The following ARHGAP29 variants were observed in gnomAD, a reference collection of about 807,000 sequenced individuals.
ARHGAP29 encodes Rho GTPase activating protein 29.
ARHGAP29 carries 43 observed loss-of-function variants against 122.6 expected under a neutral mutation model. That is an observed-to-expected ratio of 0.35 (90% CI 0.27 to 0.45). The LOEUF is 0.45. Ranked by LOEUF, ARHGAP29 falls within the 20% of genes least tolerant of loss-of-function variation. The pLI is 1.00. For synonymous variants in ARHGAP29, 506 were observed against 497.1 expected (o/e 1.02, Z -0.24); for missense variants, 1,303 against 1,477.2 (o/e 0.88, Z 1.93).
At chr1:94,234,593 GT>G (rs1217465274) in intron 1 of ARHGAP29, among the ~76,000 whole-genome samples, 20 of 152,216 alleles carry the variant, frequency 1.3e-4, no homozygotes, top group Admixed American at 1.3e-3. Context: ...ATTTAAACTA[GT>G]TTCAAACCTA....
intron 22 of ARHGAP29, chr1:94,176,614 T>C (rs925238948): frequency 2.0e-5 from 3 of 151,478 alleles, no homozygotes; most frequent in African/African-American, 7.3e-5. Context: ...TTCCATTCCT[T>C]TTTTTTTTCT....
Position 94,236,966 on chromosome 1 carries a change from G to A in ARHGAP29, c.-33+449C>T, listed in dbSNP as rs2101628805. Reference sequence around the variant, plus strand: ...AAAGCGCCTGGGTTTAGGTCCTGACGCTGCCAACCACTAGTCTGTGTGCTT... The same window carrying A: ...AAAGCGCCTGGGTTTAGGTCCTGACACTGCCAACCACTAGTCTGTGTGCTT... On this transcript the variant is annotated intron_variant, in intron 1 of 22. Coordinates refer to ENST00000260526, the MANE Select transcript of ARHGAP29 (RefSeq NM_004815.4). 1.3e-5 allele frequency among the ~76,000 whole-genome samples: 2 copies of A among 152,294 alleles called. 1 individual carries two copies. Among genetic ancestry groups the A allele is most frequent in the Admixed American group, 1.3e-4 (2 of 15,314 alleles).
chr1:94,266,075 G>A (rs1286151626), intron 1 of ARHGAP29, among the ~76,000 whole-genome samples: 2 of 152,182 alleles, frequency 1.3e-5, no homozygotes, highest in East Asian at 3.8e-4. Flanking sequence ...TGTTCTTTCT[G>A]GTCAAGCTGC....
At chr1:94,176,887 G>C (rs111977880) in intron 22 of ARHGAP29, 1 of 152,296 alleles carries the variant, frequency 6.6e-6, no homozygotes, top group African/African-American at 2.4e-5. Context: ...GATTACAGGC[G>C]TGAGCCACCA....
At chr1:94,309,680 T>C in the ARHGAP29 span, among the ~76,000 whole-genome samples, 1 of 152,138 alleles carries the variant, frequency 6.6e-6, no homozygotes, top group Non-Finnish European at 1.5e-5. Flanking sequence ...GGATGGATGA[T>C]GCAGGAGAGA....
At position 94,174,489 on chromosome 1, in the gene ARHGAP29, C is replaced by A. The variant is rs368898771; in HGVS notation, c.3166G>T (p.Val1056Phe). 1 of 1,614,202 alleles carries A rather than the reference C, an allele frequency of 6.2e-7. No homozygotes were observed. The highest frequency in any genetic ancestry group is 8.5e-7 in the Non-Finnish European group (1 of 1,180,036). ...GTAGTAGCAGCGTCTTTTCTATTAA[C>A]TCCTTCAAAGGCAGGATTCTTGCAA... ...KFCKNPAFEG[V>F]NRKDAATTVC... Residue 1056 changes from valine (V) to phenylalanine (F), a missense_variant, in exon 23 of 23, where the codon GTT (valine) becomes TTT (phenylalanine). Physicochemically the swap from Val to Phe is conservative, Grantham distance 50 (BLOSUM62 -1). Coordinates refer to ENST00000260526, the MANE Select transcript of ARHGAP29 (RefSeq NM_004815.4).
At chr1:94,199,005 A>C (rs1053390811) in intron 12 of ARHGAP29, among the ~76,000 whole-genome samples, 1 of 152,152 alleles carries the variant, frequency 6.6e-6, no homozygotes, top group Non-Finnish European at 1.5e-5. Flanking sequence ...AGAACCAAAC[A>C]CCACATGTTC....
At chr1:94,271,268 A>C (rs543101504) in intron 1 of ARHGAP29, among the ~76,000 whole-genome samples, 1 of 151,786 alleles carries the variant, frequency 6.6e-6, no homozygotes, top group East Asian at 1.9e-4. Flanking sequence ...CAAGTAAGAG[A>C]ATAAAAGAGG....
At chr1:94,296,694 CCTCCCCCAA>C in the ARHGAP29 span, among the ~76,000 whole-genome samples, 1 of 152,046 alleles carries the variant, frequency 6.6e-6, no homozygotes, top group Non-Finnish European at 1.5e-5. Flanking sequence ...TAGACTTTGG[CCTCCCCCAA>C]CACAGAGCTG....
intron 12 of ARHGAP29, 101 bp downstream of exon 12, chr1:94,201,619 C>G: frequency 6.9e-7 from 1 of 1,441,846 alleles, no homozygotes; most frequent in East Asian, 2.4e-5. Flanking sequence ...GTGATCCTCC[C>G]ACCTCAGCCT....
the ARHGAP29 span, among the ~76,000 whole-genome samples, chr1:94,294,724 A>G: frequency 6.6e-6 from 1 of 152,244 alleles, no homozygotes; most frequent in Non-Finnish European, 1.5e-5. Flanking sequence ...AGAGGGCTAA[A>G]TGGCAAGATC....
intron 2 of ARHGAP29, among the ~76,000 whole-genome samples, chr1:94,225,881 C>G (rs1013546017): frequency 6.6e-6 from 1 of 151,966 alleles, no homozygotes; most frequent in African/African-American, 2.4e-5. Context: ...TGTTTCTCTA[C>G]TCACTCTGTA....
intron 18 of ARHGAP29, 144 bp downstream of exon 18, chr1:94,184,728 T>C: frequency 1.5e-6 from 1 of 675,270 alleles, no homozygotes; most frequent in Non-Finnish European, 2.3e-6. Flanking sequence ...TACTCCAGCC[T>C]GGGCAACAGA....
chr1:94,256,795 T>C (rs573468700), intron 1 of ARHGAP29, among the ~76,000 whole-genome samples: 4 of 151,724 alleles, frequency 2.6e-5, no homozygotes, highest in African/African-American at 9.7e-5. Context: ...CCTGACCTCG[T>C]GATCCGCCCG....
At chr1:94,248,691 G>A (rs148036429) in intron 1 of ARHGAP29, among the ~76,000 whole-genome samples, 104 of 152,194 alleles carry the variant, frequency 6.8e-4, no homozygotes, top group African/African-American at 2.4e-3. Context: ...AAAGGAAGAT[G>A]TTTTTGTTTT....
chr1:94,203,827 A>T, intron 8 of ARHGAP29, 103 bp downstream of exon 8: 1 of 897,890 alleles, frequency 1.1e-6, no homozygotes, highest in Non-Finnish European at 1.7e-6. Flanking sequence ...ATCAGCATTT[A>T]AGTGCTTTCC....
At chr1:94,202,490 C>T (rs1541099) in intron 11 of ARHGAP29, 54 bp downstream of exon 11, 1,581,709 of 1,598,380 alleles carry the variant, frequency 0.99, 784,031 homozygotes, top group East Asian at 1. Context: ...ACACCAAACT[C>T]CTGGCAGATT....
chr1:94,215,795 A>ATTT (rs1651923457), intron 3 of ARHGAP29, among the ~76,000 whole-genome samples: 1 of 152,156 alleles, frequency 6.6e-6, no homozygotes, highest in African/African-American at 2.4e-5. Flanking sequence ...AGTAAAAAAA[A>ATTT]TTTTTCAACA....
chr1:94,239,498 G>A (rs1172563347), upstream of ARHGAP29, among the ~76,000 whole-genome samples: 1 of 151,908 alleles, frequency 6.6e-6, no homozygotes, highest in Non-Finnish European at 1.5e-5. Context: ...ACAAGGAGGA[G>A]AGAAAAGCAG....
Sources: allele counts gnomAD v4.1 joint callset (sites outside exome capture counted in the v4.1 genomes callset), GRCh38; gene constraint gnomAD v4.1.1; transcripts MANE v1.5; gene names NCBI Gene and HGNC (gene_info 2026-07-23, HGNC 2026-07-21).